The following SCAF4 variants were observed in gnomAD, a reference collection of about 807,000 sequenced individuals.
SCAF4 encodes the protein SR-related CTD associated factor 4, also known as SR-related and CTD-associated factor 4.
SCAF4 carries 25 observed loss-of-function variants against 129.8 expected under a neutral mutation model. The ratio of observed to expected loss-of-function variants is 0.19; its 90% CI spans 0.14 to 0.27. SCAF4 has a LOEUF of 0.27. SCAF4 is among the 10% of genes least tolerant of loss of function. SCAF4 has a pLI of 1.00. For missense variants in SCAF4, 1,246 were observed against 1,457.1 expected (o/e 0.86, Z 2.36); for synonymous variants, 551 against 497.7 (o/e 1.11, Z -1.43).
At position 31,700,989 on chromosome 21, in the gene SCAF4, A is replaced by G. The variant is rs1451803048; in HGVS notation, c.777+6T>C. ...TGGTGGGGTGGGTTATGTGAGAGAA[A>G]TATACCTTGTCAAATGCAGTTTTCT... On this transcript the variant is annotated splice_donor_region_variant and intron_variant, in intron 7 of 19. Transcript: ENST00000286835. 1.2e-6 allele frequency: 2 copies of G among 1,613,930 alleles called. No homozygotes were observed. The highest frequency in any genetic ancestry group is 1.7e-5 in the Admixed American group (1 of 60,016).
chr21:31,685,199 A>T lies in SCAF4; in HGVS notation c.2338T>A (p.Ser780Thr). ...ACTGTTGGAATGGGATTTCCAATAG[A>T]TAAGTCTTTTGTAGTGTCTTCATTT... The part of the protein sequence containing the change: ...GINEDTTKDL[S>T]IGNPIPTVVS... The change falls in exon 19 of 20, where the codon TCT (serine) becomes ACT (threonine). Residue 780 changes from serine to threonine, a missense_variant. Transcript: ENST00000286835. 6.2e-7 allele frequency: 1 copy of T among 1,611,914 alleles called. No individual in the cohort carries two copies. Among genetic ancestry groups the T allele is most frequent in the Non-Finnish European group, 8.5e-7 (1 of 1,178,762 alleles).
rs2050302692 is a variant in SCAF4 at position 31,693,279 on chromosome 21, T to C, written c.1513+15A>G. On this transcript the variant is annotated intron_variant, in intron 12 of 19. Coordinates refer to ENST00000286835, the MANE Select transcript of SCAF4 (RefSeq NM_020706.2). ...AAAAATAGTACATGAGGTTTGAATA[T>C]AAAGGTTGAGTTACCACTTGCAGTT... The C allele has an allele frequency of 6.2e-6, 9 of 1,441,944 alleles. No homozygotes were observed. The highest frequency in any genetic ancestry group is 8.3e-6 in the Non-Finnish European group (9 of 1,079,176). 89.3% of individuals were successfully genotyped at this position (1,441,944 alleles called of 1,614,324 possible).
chr21:31,729,910 CA>C (rs2051306538), intron 1 of SCAF4, among the ~76,000 whole-genome samples: 1 of 152,166 alleles, frequency 6.6e-6, no homozygotes, highest in Admixed American at 6.5e-5. Flanking sequence ...CTTTGCTTAA[CA>C]ATGTGCTTGA....
chr21:31,671,597 C>G lies in SCAF4; in HGVS notation c.3246G>C (p.Glu1082Asp), dbSNP rs778996761. 4 of 1,614,182 alleles carry G rather than the reference C, an allele frequency of 2.5e-6. No individual in the cohort carries two copies. The South Asian group carries it at 4.4e-5, about 18-fold the overall frequency. The change falls in exon 20 of 20, where the codon GAG becomes GAC. Residue 1082 changes from glutamate to aspartate, a missense_variant. Glu to Asp is a conservative substitution (Grantham distance 45). This residue lies in a region of SCAF4 where 339 missense variants were observed against 325.0 expected (regional missense o/e 1.04). Coordinates refer to ENST00000286835, the MANE Select transcript of SCAF4 (RefSeq NM_020706.2). The part of the protein sequence containing the change: ...KEEARGKEKP[E>D]VTDRAGGNKT... ...TGTTACCACCTGCCCTGTCTGTCAC[C>G]TCAGGCTTTTCCTTTCCTCGGGCTT...
Position 31,672,046 on chromosome 21 carries a change from C to G in SCAF4, c.2797G>C (p.Gly933Arg). 6.2e-7 allele frequency: 1 copy of G among 1,613,406 alleles called. No individual in the cohort carries two copies. Among genetic ancestry groups the G allele is most frequent in the Non-Finnish European group, 8.5e-7 (1 of 1,179,626 alleles). ...GLGGPGPGPG[G>R]PEDRDGRQQP... ...TGCCTTCCGTCTCTGTCTTCAGGAC[C>G]CCCTGGGCCTGGCCCTGGGCCCCCG... Residue 933 changes from glycine (G) to arginine (R), a missense_variant, in exon 20 of 20, where the codon GGT becomes CGT. Coordinates refer to ENST00000286835, the MANE Select transcript of SCAF4 (RefSeq NM_020706.2).
chr21:31,677,717 G>A (rs1222737707), intron 19 of SCAF4, among the ~76,000 whole-genome samples: 1 of 152,106 alleles, frequency 6.6e-6, no homozygotes, highest in East Asian at 1.9e-4. Flanking sequence ...CCTAGCCCAC[G>A]GGCTGTACCT....
chr21:31,715,044 G>T (rs56151721), intron 1 of SCAF4, among the ~76,000 whole-genome samples: 6,847 of 152,238 alleles, frequency 0.045, 172 homozygotes, highest in East Asian at 0.13. Context: ...TCTGTAGTAA[G>T]AAATTACCAC....
intron 1 of SCAF4, among the ~76,000 whole-genome samples, chr21:31,724,986 T>C (rs1025112368): frequency 7.9e-5 from 12 of 152,184 alleles, no homozygotes; most frequent in African/African-American, 2.2e-4. Flanking sequence ...TCGCAATCAC[T>C]ATAAAGCCAG....
intron 1 of SCAF4, among the ~76,000 whole-genome samples, chr21:31,711,552 A>G (rs534230224): frequency 6.6e-6 from 1 of 152,370 alleles, no homozygotes; most frequent in East Asian, 1.9e-4. Context: ...ACTGAGGCTC[A>G]ACAATCTGCT....
At chr21:31,698,404 G>A (rs568034580) in intron 7 of SCAF4, among the ~76,000 whole-genome samples, 1 of 152,188 alleles carries the variant, frequency 6.6e-6, no homozygotes, top group Admixed American at 6.5e-5. Flanking sequence ...CACCATCATG[G>A]CTTTTCCTAA....
intron 1 of SCAF4, among the ~76,000 whole-genome samples, chr21:31,711,261 C>T (rs1183308780): frequency 6.6e-6 from 1 of 152,316 alleles, no homozygotes; most frequent in Non-Finnish European, 1.5e-5. Flanking sequence ...CACCTTTTAA[C>T]AGTCAATGAA....
chr21:31,693,544 G>T, intron 11 of SCAF4, 60 bp from the exon 12 acceptor site: 1 of 1,123,448 alleles, frequency 8.9e-7, no homozygotes, highest in Non-Finnish European at 1.2e-6. Context: ...GAAAATATAA[G>T]CACATACTAA....
chr21:31,713,828 A>G (rs532000765), intron 1 of SCAF4, among the ~76,000 whole-genome samples: 83 of 152,274 alleles, frequency 5.5e-4, no homozygotes, highest in African/African-American at 1.6e-3. Flanking sequence ...TTAGATACAC[A>G]TAAGTATTAT....
chr21:31,713,823 T>C (rs2050862214), intron 1 of SCAF4, among the ~76,000 whole-genome samples: 1 of 152,116 alleles, frequency 6.6e-6, no homozygotes, highest in Non-Finnish European at 1.5e-5. Context: ...CAAGTTTAGA[T>C]ACACATAAGT....
In SCAF4 at chr21:31,731,794, G is replaced by C. The variant is rs933712922; in HGVS notation, c.-102C>G. 24 of 1,339,442 alleles carry C rather than the reference G, an allele frequency of 1.8e-5. No homozygotes were observed. The highest frequency in any genetic ancestry group is 9.8e-5 in the Admixed American group (3 of 30,540). 83.0% of individuals were successfully genotyped at this position (1,339,442 alleles called of 1,614,324 possible). On this transcript the variant is annotated 5_prime_UTR_variant, in exon 1 of 20. Transcript: ENST00000286835. ...ACCAGCCGGGCCTGGTGGCCGGGGG[G>C]AGGCGACGAGCGGCGGAGTCCGAGG...
intron 6 of SCAF4, 92 bp downstream of exon 6, chr21:31,701,684 T>C: frequency 7.4e-7 from 1 of 1,360,108 alleles, no homozygotes; most frequent in South Asian, 1.5e-5. Context: ...TATTTTCTCC[T>C]TTCAATGTGC....
intron 1 of SCAF4, among the ~76,000 whole-genome samples, chr21:31,725,414 C>T (rs1393512597): frequency 6.6e-6 from 1 of 152,194 alleles, no homozygotes; most frequent in Non-Finnish European, 1.5e-5. Flanking sequence ...AAACTCAACT[C>T]TTCCTTCAGA....
chr21:31,686,364 C>T (rs202443), intron 16 of SCAF4, among the ~76,000 whole-genome samples: 148,917 of 152,266 alleles, frequency 0.98, 72,835 homozygotes, highest in East Asian at 1. Context: ...CTTTCAGCAA[C>T]ACAGCTTTAA....
chr21:31,685,003 G>A (rs767092388), intron 19 of SCAF4, 46 bp downstream of exon 19: 2 of 735,340 alleles, frequency 2.7e-6, no homozygotes, highest in Non-Finnish European at 4.5e-6. Context: ...GGGGGGTGGG[G>A]GGGGGGTGGG....
Sources: allele counts gnomAD v4.1 joint callset (sites outside exome capture counted in the v4.1 genomes callset), GRCh38; gene constraint gnomAD v4.1.1; regional missense constraint gnomAD v4.1.1; transcripts MANE v1.5; gene names NCBI Gene and HGNC (gene_info 2026-07-23, HGNC 2026-07-21).